The following BCAS3 variants were observed in gnomAD, a reference collection of about 807,000 sequenced individuals.
BCAS3 encodes BCAS3 microtubule associated cell migration factor, also known as BCAS4/BCAS3 fusion.
BCAS3 carries 53 observed loss-of-function variants against 116.1 expected under a neutral mutation model. The ratio of observed to expected loss-of-function variants is 0.46; its 90% CI spans 0.37 to 0.57. The LOEUF is 0.57. Ranked by LOEUF, BCAS3 falls within the 20% of genes least tolerant of loss-of-function variation. The probability of loss-of-function intolerance (pLI) is 0.00; values close to 1 mark genes in which losing one functional copy is unlikely to be tolerated. For synonymous variants in BCAS3, 391 were observed against 408.2 expected (o/e 0.96, Z 0.51); for missense variants, 917 against 1,165.4 (o/e 0.79, Z 3.10).
chr17:60,723,201 A>G (rs2039438217), intron 5 of BCAS3, among the ~76,000 whole-genome samples: 1 of 151,828 alleles, frequency 6.6e-6, no homozygotes, highest in Non-Finnish European at 1.5e-5. Context: ...CTATGCATAT[A>G]TTTTCTGAAC....
At position 61,349,041 on chromosome 17, in the gene BCAS3, C is replaced by T. The variant is rs540818301; in HGVS notation, c.2426-19286C>T. Among the ~76,000 whole-genome samples, 6 of 152,244 alleles carry T rather than the reference C, an allele frequency of 3.9e-5. 1 individual carries two copies. The highest frequency in any genetic ancestry group is 4.1e-4 in the South Asian group (2 of 4,826). On this transcript the variant is annotated intron_variant, in intron 22 of 23. Coordinates refer to ENST00000407086, the MANE Select transcript of BCAS3 (RefSeq NM_017679.5). The surrounding 1 kb of genome is among the most constrained non-coding windows in gnomAD (Gnocchi z 4.7). Reference sequence around the variant, plus strand: ...TGCTGGGATTACAGGCGTGAGCCACCGTGCCCGGCCCTCTTGGGCAGAGAT... The same window carrying T: ...TGCTGGGATTACAGGCGTGAGCCACTGTGCCCGGCCCTCTTGGGCAGAGAT...
rs1198951788 is a variant in BCAS3, at chr17:60,889,141, G to T, written c.662-554G>T. On this transcript the variant is annotated intron_variant, in intron 9 of 23. Coordinates refer to ENST00000407086, the MANE Select transcript of BCAS3 (RefSeq NM_017679.5). ...AACTGCAAGCAAGAAGAATGATATT[G>T]AGTGAAATGTAAATACAAAGGATTA... 2.0e-5 allele frequency among the ~76,000 whole-genome samples: 3 copies of T among 152,322 alleles called. No individual in the cohort carries two copies. In the East Asian group the frequency reaches 5.8e-4, roughly 29 times the overall value.
chr17:60,863,358 A>T (rs912921533), intron 7 of BCAS3, among the ~76,000 whole-genome samples: 6 of 152,166 alleles, frequency 3.9e-5, no homozygotes, highest in Non-Finnish European at 7.3e-5. Context: ...TCTCAGAGAT[A>T]TTATATAGTG....
intron 14 of BCAS3, among the ~76,000 whole-genome samples, chr17:60,953,351 C>CTA (rs1386040184): frequency 6.6e-6 from 1 of 152,006 alleles, no homozygotes. Flanking sequence ...TTGCATTTCT[C>CTA]TAATGACATT....
At chr17:61,320,050 C>G (rs913587819) in intron 22 of BCAS3, among the ~76,000 whole-genome samples, 38 of 151,868 alleles carry the variant, frequency 2.5e-4, no homozygotes, top group African/African-American at 8.4e-4. Flanking sequence ...CCGCCACACC[C>G]AGCTAATTTT....
intron 22 of BCAS3, among the ~76,000 whole-genome samples, chr17:61,273,282 G>C (rs2050468299): frequency 6.6e-6 from 1 of 151,604 alleles, no homozygotes; most frequent in South Asian, 2.1e-4. Context: ...CTAATTTTTT[G>C]TATTTTTTGT....
intron 22 of BCAS3, among the ~76,000 whole-genome samples, chr17:61,294,657 T>C (rs1258751982): frequency 6.6e-6 from 1 of 152,226 alleles, no homozygotes; most frequent in Non-Finnish European, 1.5e-5. Flanking sequence ...CCCTACCTCA[T>C]TGAGTACTCT....
intron 15 of BCAS3, among the ~76,000 whole-genome samples, chr17:61,006,126 CTCA>C (rs1372035635): frequency 6.6e-6 from 1 of 152,066 alleles, no homozygotes; most frequent in African/African-American, 2.4e-5. Flanking sequence ...AGGACATGAA[CTCA>C]TCATTTTTCA....
chr17:60,918,092 G>A lies in BCAS3; in HGVS notation c.994-6315G>A, dbSNP rs948184715. On this transcript the variant is annotated intron_variant, in intron 12 of 23. Transcript: ENST00000407086. ...CCATTTTAAATTCCCACCAGTGAAC[G>A]TCCAATGATGGATAAGGGTCTCAAT... Among the ~76,000 whole-genome samples, 9 of 152,100 alleles carry A rather than the reference G, an allele frequency of 5.9e-5. No homozygotes were observed. The South Asian group carries it at 1.0e-3, about 17-fold the overall frequency.
intron 22 of BCAS3, among the ~76,000 whole-genome samples, chr17:61,195,784 T>C (rs189932112): frequency 2.1e-4 from 32 of 152,290 alleles, no homozygotes; most frequent in African/African-American, 7.7e-4. Flanking sequence ...AGCTGAGACT[T>C]ATTTATAAAC....
In BCAS3 at chr17:61,258,287, C is replaced by A. The variant is rs2048940603; in HGVS notation, c.2426-110040C>A. Among the ~76,000 whole-genome samples, 1 of 152,176 alleles carries A rather than the reference C, an allele frequency of 6.6e-6. No homozygotes were observed. The highest frequency in any genetic ancestry group is 1.5e-5 in the Non-Finnish European group (1 of 68,032). On this transcript the variant is annotated intron_variant, in intron 22 of 23. Coordinates refer to ENST00000407086, the MANE Select transcript of BCAS3 (RefSeq NM_017679.5). This position sits in a 1 kb window ranked among gnomAD's most constrained non-coding sequence, Gnocchi z 4.7. ...TTAAGTATGTAACTTTATTTTCTTTCCTATCAGACTTTAAATTCATTGTGG... is the reference window on the plus strand; with the variant it reads ...TTAAGTATGTAACTTTATTTTCTTTACTATCAGACTTTAAATTCATTGTGG...
intron 9 of BCAS3, among the ~76,000 whole-genome samples, chr17:60,877,880 A>G (rs1054982844): frequency 1.4e-4 from 21 of 152,194 alleles, no homozygotes; most frequent in African/African-American, 5.1e-4. Flanking sequence ...TAAAATCTGA[A>G]ATGTATGTTA....
rs1261643350 is a variant in BCAS3, at chr17:61,013,455, G to A, written c.1487-2296G>A. On this transcript the variant is annotated intron_variant, in intron 15 of 23. Transcript: ENST00000407086. This position sits in a 1 kb window ranked among gnomAD's most constrained non-coding sequence, Gnocchi z 4.4. ...TTATTTACATCTATATTGGCCTTGA[G>A]AGTGTGATAATAAATTACTTCGAAT... 5.3e-5 allele frequency among the ~76,000 whole-genome samples: 8 copies of A among 152,080 alleles called. No homozygotes were observed. The South Asian group carries it at 1.7e-3, about 31-fold the overall frequency.
intron 6 of BCAS3, among the ~76,000 whole-genome samples, chr17:60,764,389 T>C (rs961713628): frequency 6.6e-6 from 1 of 152,338 alleles, no homozygotes; most frequent in South Asian, 2.1e-4. Flanking sequence ...GATTCTTGTA[T>C]GTTGTGTCTT....
chr17:61,060,721 CTACCAAT>C (rs777336413), intron 19 of BCAS3, among the ~76,000 whole-genome samples: 30 of 152,200 alleles, frequency 2.0e-4, no homozygotes, highest in Non-Finnish European at 2.9e-4. Context: ...TATAAGGAAT[CTACCAAT>C]TACCAAGTTT....
intron 12 of BCAS3, among the ~76,000 whole-genome samples, chr17:60,919,617 C>G (rs377416698): frequency 6.6e-6 from 1 of 152,038 alleles, no homozygotes; most frequent in African/African-American, 2.4e-5. Context: ...GCCACCATGC[C>G]CGGCCCACTT....
chr17:60,957,378 G>A (rs1411512341), intron 14 of BCAS3, among the ~76,000 whole-genome samples: 4 of 152,092 alleles, frequency 2.6e-5, no homozygotes. Flanking sequence ...GTGTGAACAT[G>A]TTCCAAATAT....
At chr17:60,794,181 T>C (rs1234054953) in intron 6 of BCAS3, among the ~76,000 whole-genome samples, 2 of 152,254 alleles carry the variant, frequency 1.3e-5, no homozygotes, top group Non-Finnish European at 2.9e-5. Flanking sequence ...TTTTTTCATA[T>C]GTTTTTTGGT....
intron 22 of BCAS3, among the ~76,000 whole-genome samples, chr17:61,270,619 T>C (rs1285033284): frequency 1.3e-5 from 2 of 152,238 alleles, no homozygotes; most frequent in Non-Finnish European, 2.9e-5. Flanking sequence ...CTACTTTTGC[T>C]TTCATTGCCT....
Sources: gnomAD v4.1 joint callset for allele counts (sites outside exome capture counted in the v4.1 genomes callset) on GRCh38, gnomAD v4.1.1 for gene constraint, Gnocchi (gnomAD v3.1) non-coding constraint, MANE v1.5 for transcripts, NCBI Gene and HGNC (gene_info 2026-07-23, HGNC 2026-07-21) for gene names.